The following GPC5 variants were observed in gnomAD, a reference collection of about 807,000 sequenced individuals.
GPC5 encodes glypican-5.
GPC5 carries 47 observed loss-of-function variants against 53.9 expected under a neutral mutation model. The ratio of observed to expected loss-of-function variants is 0.87; its 90% confidence interval spans 0.69 to 1.11. GPC5 has a LOEUF of 1.11. Ranked by LOEUF, GPC5 falls within the 50% of genes most tolerant of loss-of-function variation. GPC5 has a pLI of 0.00. For missense variants in GPC5, 748 were observed against 713.1 expected (o/e 1.05, Z -0.56); for synonymous variants, 286 against 263.3 (o/e 1.09, Z -0.84).
At chr13:92,138,784 A>T (rs1422867050) in intron 6 of GPC5, among the ~76,000 whole-genome samples, 5 of 152,044 alleles carry the variant, frequency 3.3e-5, no homozygotes, top group Admixed American at 3.3e-4. Flanking sequence ...AGCATAGGGG[A>T]GTTATTTGAT....
intron 5 of GPC5, among the ~76,000 whole-genome samples, chr13:91,864,648 A>G (rs2138918536): frequency 6.6e-6 from 1 of 152,302 alleles, no homozygotes; most frequent in African/African-American, 2.4e-5. Context: ...AGTAATATTA[A>G]TTACCACTAC....
At position 91,780,843 on chromosome 13, in the gene GPC5, CA is replaced by C. The variant is rs775292340; in HGVS notation, c.1280+24424del. 2.6e-5 allele frequency among the ~76,000 whole-genome samples: 4 copies of C among 152,282 alleles called. No individual in the cohort carries two copies. The South Asian group carries it at 8.3e-4, about 32-fold the overall frequency. On this transcript the variant is annotated intron_variant, in intron 5 of 7. Coordinates refer to ENST00000377067, the MANE Select transcript of GPC5 (RefSeq NM_004466.6). ...ACAAGTAGAATGAGTGTTGGAAAAA[CA>C]TAATAACTTCGTTTTTCTTGATGAA... is the stretch of plus-strand genomic sequence containing the variant.
rs1274838044 is a variant in GPC5 at position 92,360,930 on chromosome 13, G to T, written c.1561+215941G>T. On this transcript the variant is annotated intron_variant, in intron 7 of 7. Coordinates refer to ENST00000377067, the MANE Select transcript of GPC5 (RefSeq NM_004466.6). ...GGTCTCAAATGTAAATGCCTATGGG[G>T]CAACCTAGTCACGTAAGAGAGATGT... Among the ~76,000 whole-genome samples the T allele has an allele frequency of 2.0e-5, 3 of 151,658 alleles. No homozygotes were observed. In the East Asian group the frequency reaches 5.8e-4, roughly 29 times the overall value.
intron 6 of GPC5, among the ~76,000 whole-genome samples, chr13:91,936,578 A>G (rs957842473): frequency 1.3e-5 from 2 of 152,042 alleles, no homozygotes; most frequent in African/African-American, 4.8e-5. Flanking sequence ...TAAATCATAC[A>G]GTCTTGTTAT....
chr13:92,744,020 C>T (rs1003844051), intron 7 of GPC5, among the ~76,000 whole-genome samples: 10 of 151,982 alleles, frequency 6.6e-5, no homozygotes, highest in East Asian at 3.9e-4. Context: ...ATGGTGGCAG[C>T]GGTGGAGTGG....
chr13:91,708,216 T>C (rs73607074), intron 3 of GPC5, among the ~76,000 whole-genome samples: 1,846 of 152,278 alleles, frequency 0.012, 32 homozygotes, highest in African/African-American at 0.041. Flanking sequence ...GTCTTAAAGT[T>C]CTAGATAGAG....
intron 6 of GPC5, among the ~76,000 whole-genome samples, chr13:92,069,175 A>G (rs2041190278): frequency 1.3e-5 from 2 of 152,108 alleles, no homozygotes; most frequent in Non-Finnish European, 2.9e-5. Flanking sequence ...TTGCTTATAA[A>G]TATGAGGTTT....
intron 6 of GPC5, among the ~76,000 whole-genome samples, chr13:91,908,852 G>A (rs1400645120): frequency 6.6e-6 from 1 of 152,020 alleles, no homozygotes; most frequent in Non-Finnish European, 1.5e-5. Flanking sequence ...TGTATGGGTA[G>A]TTGATATTTA....
intron 4 of GPC5, among the ~76,000 whole-genome samples, chr13:91,731,839 T>C (rs2036705936): frequency 6.6e-6 from 1 of 152,190 alleles, no homozygotes; most frequent in African/African-American, 2.4e-5. Flanking sequence ...GCTTCACCCA[T>C]GTCCCTGAAA....
intron 5 of GPC5, among the ~76,000 whole-genome samples, chr13:91,893,052 G>A (rs770910589): frequency 1.4e-4 from 21 of 151,840 alleles, no homozygotes; most frequent in Non-Finnish European, 2.1e-4. Context: ...AGATATTTGC[G>A]TGGACATTTT....
intron 2 of GPC5, among the ~76,000 whole-genome samples, chr13:91,577,039 C>T (rs371181692): frequency 1.3e-5 from 2 of 152,106 alleles, no homozygotes; most frequent in African/African-American, 2.4e-5. Flanking sequence ...CTCTCTACTC[C>T]TTACTCATTT....
intron 6 of GPC5, among the ~76,000 whole-genome samples, chr13:92,005,119 C>G (rs779608828): frequency 2.6e-5 from 4 of 152,142 alleles, no homozygotes; most frequent in Non-Finnish European, 5.9e-5. Flanking sequence ...CAACTTGACC[C>G]TCAGTATTAA....
At chr13:91,884,052 A>G (rs7987852) in intron 5 of GPC5, among the ~76,000 whole-genome samples, 7,402 of 152,256 alleles carry the variant, frequency 0.049, 354 homozygotes, top group East Asian at 0.21. Flanking sequence ...ACAGTGAGTT[A>G]CCATCTCACA....
In GPC5 at chr13:91,957,523, C is replaced by T. The variant is rs532862500; in HGVS notation, c.1401+49466C>T. Among the ~76,000 whole-genome samples the T allele has an allele frequency of 4.5e-4, 68 of 152,098 alleles. 1 individual carries two copies. In the South Asian group the frequency reaches 8.1e-3, roughly 18 times the overall value. On this transcript the variant is annotated intron_variant, in intron 6 of 7. Coordinates refer to ENST00000377067, the MANE Select transcript of GPC5 (RefSeq NM_004466.6). The stretch of plus-strand genomic sequence containing the variant: ...AAAAGGTCTTCTCTATGGCAAATTT[C>T]AAAAATCAAATACAAAGAGGGATTG...
At chr13:91,576,102 A>T (rs2032122190) in intron 2 of GPC5, among the ~76,000 whole-genome samples, 1 of 152,092 alleles carries the variant, frequency 6.6e-6, no homozygotes, top group Non-Finnish European at 1.5e-5. Flanking sequence ...AGGCTGAAGG[A>T]TGGGAACATT....
At chr13:91,913,267 C>T (rs868171430) in intron 6 of GPC5, among the ~76,000 whole-genome samples, 4 of 151,766 alleles carry the variant, frequency 2.6e-5, no homozygotes, top group African/African-American at 7.3e-5. Flanking sequence ...GGCATTGTGG[C>T]GTGCACCTGT....
intron 6 of GPC5, among the ~76,000 whole-genome samples, chr13:92,017,387 C>T (rs897969556): frequency 6.6e-6 from 1 of 152,012 alleles, no homozygotes; most frequent in Non-Finnish European, 1.5e-5. Flanking sequence ...TCTGGCTTTT[C>T]CAGCATTCAA....
At chr13:91,418,304 G>A (rs1249579774) in intron 1 of GPC5, among the ~76,000 whole-genome samples, 4 of 152,132 alleles carry the variant, frequency 2.6e-5, no homozygotes, top group African/African-American at 7.2e-5. Flanking sequence ...TTGAGTCAGA[G>A]TCCACAAAGA....
At chr13:92,777,244 G>A (rs763175708) in intron 7 of GPC5, among the ~76,000 whole-genome samples, 1 of 149,850 alleles carries the variant, frequency 6.7e-6, no homozygotes, top group Non-Finnish European at 1.5e-5. Flanking sequence ...GCTGAGGCAG[G>A]AGAATCACTT....
Sources: gnomAD v4.1 joint callset for allele counts (sites outside exome capture counted in the v4.1 genomes callset) on GRCh38, gnomAD v4.1.1 for gene constraint, MANE v1.5 for transcripts, NCBI Gene and HGNC (gene_info 2026-07-23, HGNC 2026-07-21) for gene names.